The following TTC6 variants were observed in gnomAD, a reference collection of about 807,000 sequenced individuals.
The protein encoded by TTC6 is tetratricopeptide repeat domain 6, also known as tetratricopeptide repeat protein 6.
TTC6 carries 172 observed loss-of-function variants against 210.4 expected under a neutral mutation model. The observed-to-expected ratio is 0.82, with a 90% CI of 0.72 to 0.93. The LOEUF (loss-of-function observed/expected upper bound fraction) is 0.93, where lower values mean the gene tolerates loss of function less well. Ranked by LOEUF, TTC6 falls within the 40% of genes least tolerant of loss-of-function variation. The probability of loss-of-function intolerance (pLI) is 0.00; values close to 1 mark genes in which losing one functional copy is unlikely to be tolerated. For missense variants in TTC6, 2,414 were observed against 2,318.1 expected (o/e 1.04, Z -0.85); for synonymous variants, 804 against 819.6 (o/e 0.98, Z 0.32).
intron 29 of TTC6, among the ~76,000 whole-genome samples, chr14:37,831,392 G>C (rs1163526647): frequency 6.6e-6 from 1 of 152,070 alleles, no homozygotes; most frequent in Admixed American, 6.6e-5. Context: ...ACCTGGGAGT[G>C]CAAATATTTC....
intron 1 of TTC6, among the ~76,000 whole-genome samples, chr14:37,599,627 C>A (rs542172484): frequency 7.4e-4 from 112 of 152,290 alleles, no homozygotes; most frequent in African/African-American, 2.7e-3. Context: ...TGCTCCCCAC[C>A]CGGCCTCGCC....
At chr14:37,638,526 A>T (rs1163120594) in intron 1 of TTC6, among the ~76,000 whole-genome samples, 3 of 149,304 alleles carry the variant, frequency 2.0e-5, no homozygotes, top group Non-Finnish European at 4.4e-5. Context: ...AAGTGCTGGG[A>T]TTACAGGCGT....
chr14:37,745,898 G>T (rs984334185), intron 10 of TTC6, among the ~76,000 whole-genome samples: 1 of 152,140 alleles, frequency 6.6e-6, no homozygotes, highest in Non-Finnish European at 1.5e-5. Flanking sequence ...TGAACTGGCT[G>T]GGGTCTGAAA....
At chr14:37,650,015 G>A (rs2095708364) in intron 1 of TTC6, among the ~76,000 whole-genome samples, 1 of 152,136 alleles carries the variant, frequency 6.6e-6, no homozygotes, top group Non-Finnish European at 1.5e-5. Context: ...GATAATTAGC[G>A]ATTCAGTATT....
chr14:37,714,989 C>T (rs1325033003), intron 6 of TTC6, among the ~76,000 whole-genome samples, 193 bp downstream of exon 8: 1 of 151,998 alleles, frequency 6.6e-6, no homozygotes, highest in Non-Finnish European at 1.5e-5. Context: ...ACCAGTCTGG[C>T]CAACATAACG....
chr14:37,739,109 A>T, exon 10 of TTC6: 1 of 1,527,124 alleles, frequency 6.5e-7, no homozygotes, highest in Non-Finnish European at 8.7e-7. Flanking sequence ...ACAAAAACTT[A>T]TATTCGTGCA....
intron 2 of TTC6, among the ~76,000 whole-genome samples, chr14:37,610,524 TC>T (rs962642224): frequency 6.6e-6 from 1 of 152,238 alleles, no homozygotes; most frequent in African/African-American, 2.4e-5. Context: ...AATTGGTTTT[TC>T]TTTTTCTTTT....
intron 14 of TTC6, among the ~76,000 whole-genome samples, chr14:37,773,599 C>T (rs1240259706): frequency 2.0e-5 from 3 of 152,098 alleles, no homozygotes; most frequent in Admixed American, 6.6e-5. Flanking sequence ...GCTTTTTATT[C>T]TGTTCCATTT....
At chr14:37,648,966 A>T (rs2095706463) in intron 1 of TTC6, among the ~76,000 whole-genome samples, 1 of 148,026 alleles carries the variant, frequency 6.8e-6, no homozygotes, top group African/African-American at 2.5e-5. Context: ...TGCAAGAATC[A>T]TGTTTATTTA....
chr14:37,817,683 C>G, intron 26 of TTC6, 32 bp downstream of exon 28: 6 of 1,592,976 alleles, frequency 3.8e-6, no homozygotes, highest in Non-Finnish European at 5.2e-6. Context: ...AAAGTGGAAT[C>G]AAGCAGGACC....
intron 5 of TTC6, among the ~76,000 whole-genome samples, chr14:37,712,116 A>G (rs2095845608): frequency 6.6e-6 from 1 of 152,148 alleles, no homozygotes; most frequent in South Asian, 2.1e-4. Context: ...GCCCCCATTC[A>G]TGTCTACCAG....
At chr14:37,760,526 C>T (rs542318837) in intron 14 of TTC6, among the ~76,000 whole-genome samples, 1 of 152,292 alleles carries the variant, frequency 6.6e-6, no homozygotes, top group Admixed American at 6.5e-5. Context: ...AGCTCAAGTG[C>T]TGTGCTGTTA....
At chr14:37,750,713 CCT>C (rs1304578729) in intron 12 of TTC6, among the ~76,000 whole-genome samples, 1 of 151,986 alleles carries the variant, frequency 6.6e-6, no homozygotes, top group Non-Finnish European at 1.5e-5. Context: ...ATGGTGAACC[CCT>C]GTGTCTATAA....
intron 5 of TTC6, among the ~76,000 whole-genome samples, chr14:37,705,172 C>G (rs1336740772): frequency 6.6e-6 from 1 of 152,088 alleles, no homozygotes; most frequent in Non-Finnish European, 1.5e-5. Context: ...CTATGAATCC[C>G]AGACTTAACC....
chr14:37,769,282 G>T (rs1285288608), intron 14 of TTC6, among the ~76,000 whole-genome samples: 2 of 151,628 alleles, frequency 1.3e-5, no homozygotes, highest in African/African-American at 4.8e-5. Flanking sequence ...TTGTGTCTCT[G>T]CCCGGCTTTG....
intron 1 of TTC6, among the ~76,000 whole-genome samples, chr14:37,666,667 A>C (rs575426799): frequency 6.7e-6 from 1 of 150,296 alleles, no homozygotes; most frequent in Non-Finnish European, 1.5e-5. Flanking sequence ...ATACCCTCAA[A>C]ACTTGTTTGC....
chr14:37,630,528 A>C (rs2095667540), intron 1 of TTC6, among the ~76,000 whole-genome samples: 1 of 152,146 alleles, frequency 6.6e-6, no homozygotes, highest in African/African-American at 2.4e-5. Flanking sequence ...AATAAGTGCG[A>C]TGTGATGCTG....
At chr14:37,825,465 T>A (rs1299140764) in intron 27 of TTC6, among the ~76,000 whole-genome samples, 1 of 151,970 alleles carries the variant, frequency 6.6e-6, no homozygotes, top group Non-Finnish European at 1.5e-5. Flanking sequence ...GCAAGATGGG[T>A]TTTTTTAGCC....
rs546485094 is a variant in TTC6, at chr14:37,636,580, A to T, written c.939+13577A>T. ...AAAAATTGAGCTGCTTTGTAAAAAA[A>T]AAGTCAAAATTTGTATACCACAGCC... On this transcript the variant is annotated intron_variant, in intron 1 of 30. Coordinates refer to ENST00000553443, the Ensembl canonical transcript of TTC6. Among the ~76,000 whole-genome samples the T allele has an allele frequency of 4.7e-3, 714 of 152,230 alleles. 7 individuals carry two copies. The highest frequency in any genetic ancestry group is 8.7e-3 in the East Asian group (45 of 5,180).
Sources: gnomAD v4.1 joint callset for allele counts (sites outside exome capture counted in the v4.1 genomes callset) on GRCh38, gnomAD v4.1.1 for gene constraint, MANE v1.5 for transcripts, NCBI Gene and HGNC (gene_info 2026-07-23, HGNC 2026-07-21) for gene names.